GALNT13: variants seen among roughly 807,000 people sequenced by gnomAD.
The protein encoded by GALNT13 is UDP-GalNAc:polypeptide N-acetylgalactosaminyltransferase 13.
A neutral mutation model predicts 64.2 loss-of-function variants in GALNT13; 28 were observed. The observed-to-expected ratio is 0.44, with a 90% CI of 0.32 to 0.60. GALNT13 has a LOEUF of 0.60. Among genes scored for constraint, GALNT13 ranks in the 20% least tolerant of loss-of-function variants. The pLI is 0.05. For missense variants in GALNT13, 577 were observed against 669.8 expected (o/e 0.86, Z 1.53); for synonymous variants, 214 against 224.6 (o/e 0.95, Z 0.42).
chr2:154,328,436 A>G (rs1475835465), intron 9 of GALNT13, among the ~76,000 whole-genome samples: 3 of 152,064 alleles, frequency 2.0e-5, no homozygotes, highest in Non-Finnish European at 2.9e-5. Context: ...CCTGCTGCCA[A>G]TTATGGATAT....
At chr2:153,690,675 T>A in the GALNT13 span, among the ~76,000 whole-genome samples, 3 of 152,140 alleles carry the variant, frequency 2.0e-5, no homozygotes, top group Non-Finnish European at 4.4e-5. Context: ...TTAATGAACA[T>A]CTTTGGTGCA....
At chr2:154,025,063 C>T (rs2105290420) in intron 3 of GALNT13, among the ~76,000 whole-genome samples, 1 of 152,268 alleles carries the variant, frequency 6.6e-6, no homozygotes, top group Non-Finnish European at 1.5e-5. Flanking sequence ...AGTTTTGGCT[C>T]AGAGGAGTAC....
At chr2:153,819,248 G>C in the GALNT13 span, among the ~76,000 whole-genome samples, 18 of 152,174 alleles carry the variant, frequency 1.2e-4, no homozygotes, top group Admixed American at 2.0e-4. Context: ...CAGGCTGAGT[G>C]ATGAGGTAAT....
intron 4 of GALNT13, among the ~76,000 whole-genome samples, chr2:154,164,706 C>A (rs190057617): frequency 6.6e-6 from 1 of 151,964 alleles, no homozygotes; most frequent in African/African-American, 2.4e-5. Flanking sequence ...GAAAACGTGA[C>A]GTGGCAGCCT....
At chr2:154,069,367 C>T (rs1700629195) in intron 3 of GALNT13, among the ~76,000 whole-genome samples, 1 of 151,686 alleles carries the variant, frequency 6.6e-6, no homozygotes, top group Admixed American at 6.6e-5. Flanking sequence ...CAAATGATTA[C>T]ATAAATAAAC....
chr2:153,337,440 A>C, the GALNT13 span, among the ~76,000 whole-genome samples: 4 of 152,320 alleles, frequency 2.6e-5, no homozygotes, highest in East Asian at 7.7e-4. Context: ...TAAGACAGAA[A>C]ATGCAAGGAA....
the GALNT13 span, among the ~76,000 whole-genome samples, chr2:153,445,301 T>C: frequency 1.7e-3 from 252 of 152,292 alleles, no homozygotes; most frequent in African/African-American, 5.7e-3. Context: ...GAACCATAAG[T>C]TGCCCCATGA....
intron 10 of GALNT13, among the ~76,000 whole-genome samples, chr2:154,406,473 G>A (rs1699547460): frequency 6.6e-6 from 1 of 152,098 alleles, no homozygotes; most frequent in African/African-American, 2.4e-5. Flanking sequence ...CTGCAGTGGT[G>A]GTACAAGGCT....
the GALNT13 span, among the ~76,000 whole-genome samples, chr2:153,314,707 T>C: frequency 6.6e-6 from 1 of 151,772 alleles, no homozygotes; most frequent in Non-Finnish European, 1.5e-5. Context: ...CACAGGGAAA[T>C]AGATAATACT....
chr2:153,440,129 G>T, the GALNT13 span, among the ~76,000 whole-genome samples: 1 of 151,734 alleles, frequency 6.6e-6, no homozygotes, highest in Non-Finnish European at 1.5e-5. Context: ...GGCCACAGTG[G>T]GTAATGTTCC....
chr2:154,100,184 C>T (rs13030298), intron 3 of GALNT13, among the ~76,000 whole-genome samples: 54,917 of 151,756 alleles, frequency 0.36, 10,298 homozygotes, highest in Non-Finnish European at 0.41. Context: ...TTTCTTTGGC[C>T]ATTTGGGCAC....
intron 3 of GALNT13, among the ~76,000 whole-genome samples, chr2:153,985,816 A>T (rs1283456270): frequency 6.6e-6 from 1 of 152,030 alleles, no homozygotes; most frequent in Non-Finnish European, 1.5e-5. Context: ...CTGTTTCATT[A>T]TTTATTAAAA....
chr2:153,172,657 A>G, the GALNT13 span, among the ~76,000 whole-genome samples: 3 of 152,184 alleles, frequency 2.0e-5, no homozygotes, highest in Non-Finnish European at 4.4e-5. Flanking sequence ...CTGGGCAAAC[A>G]AAGAAATGTT....
At chr2:153,175,480 GC>G in the GALNT13 span, among the ~76,000 whole-genome samples, 2 of 152,166 alleles carry the variant, frequency 1.3e-5, no homozygotes, top group African/African-American at 2.4e-5. Context: ...ATTGACGGGA[GC>G]CTATGGATGA....
intron 3 of GALNT13, among the ~76,000 whole-genome samples, chr2:154,100,320 A>G (rs1459390268): frequency 2.0e-5 from 3 of 152,066 alleles, no homozygotes; most frequent in Non-Finnish European, 4.4e-5. Context: ...TTTAATATTG[A>G]TTCTTGAAAT....
chr2:153,544,911 A>G, the GALNT13 span, among the ~76,000 whole-genome samples: 2 of 152,244 alleles, frequency 1.3e-5, no homozygotes, highest in Non-Finnish European at 2.9e-5. Context: ...GATAGAATGC[A>G]AACATTGAGG....
intron 3 of GALNT13, among the ~76,000 whole-genome samples, chr2:154,027,406 TA>T (rs1293596385): frequency 6.6e-6 from 1 of 152,134 alleles, no homozygotes; most frequent in Non-Finnish European, 1.5e-5. Flanking sequence ...TGATCATTTT[TA>T]AAAAATGATC....
chr2:153,572,360 G>A, the GALNT13 span, among the ~76,000 whole-genome samples: 3 of 147,946 alleles, frequency 2.0e-5, no homozygotes, highest in African/African-American at 7.4e-5. Flanking sequence ...TTTTAGTTTG[G>A]CTAAAGGTTT....
At chr2:154,156,922 C>T (rs1684456574) in intron 4 of GALNT13, among the ~76,000 whole-genome samples, 1 of 152,174 alleles carries the variant, frequency 6.6e-6, no homozygotes, top group South Asian at 2.1e-4. Context: ...AGAGACTGAT[C>T]TAATATATTA....
Sources: allele counts gnomAD v4.1 joint callset (sites outside exome capture counted in the v4.1 genomes callset), GRCh38; gene constraint gnomAD v4.1.1; transcripts MANE v1.5; gene names NCBI Gene and HGNC (gene_info 2026-07-23, HGNC 2026-07-21).